The following KYNU variants were observed in gnomAD, a reference collection of about 807,000 sequenced individuals.
The protein encoded by KYNU is L-kynurenine hydrolase.
Under a neutral mutation model 59.2 loss-of-function variants are expected in KYNU, and 54 were observed. The ratio of observed to expected loss-of-function variants is 0.91; its 90% CI spans 0.73 to 1.14. The LOEUF (loss-of-function observed/expected upper bound fraction) is 1.14. KYNU is among the 50% of genes most tolerant of loss of function. KYNU has a pLI of 0.00. For synonymous variants in KYNU, 177 were observed against 192.0 expected (o/e 0.92, Z 0.65); for missense variants, 567 against 554.4 (o/e 1.02, Z -0.23).
chr2:142,917,496 C>G (rs570853372), intron 2 of KYNU, among the ~76,000 whole-genome samples: 36 of 152,142 alleles, frequency 2.4e-4, no homozygotes, highest in African/African-American at 8.2e-4. Flanking sequence ...GAGATGGAGT[C>G]TCACTATGTT....
rs1354930090 is a variant in KYNU at position 143,045,236 on chromosome 2, C to G, written c.*3064C>G. On this transcript the variant is annotated 3_prime_UTR_variant, in exon 14 of 14. Coordinates refer to ENST00000264170, the MANE Select transcript of KYNU (RefSeq NM_003937.3). ...ACCATGCTGTTTTGTTTACTATAGC[C>G]TTGTAGTATAGTTTGAAGTCAGGTA... The G allele has an allele frequency of 5.3e-5, 8 of 151,990 alleles. No homozygotes were observed. The highest frequency in any genetic ancestry group is 1.9e-4 in the African/African-American group (8 of 41,380). The allele number at this position is 151,990 out of a possible 1,614,324, so 9.4% of individuals were successfully genotyped here.
chr2:143,030,650 A>T (rs1358704499), intron 11 of KYNU, among the ~76,000 whole-genome samples: 1 of 99,524 alleles, frequency 1.0e-5, no homozygotes, highest in Non-Finnish European at 2.4e-5. Context: ...GATGATGATG[A>T]TGCTGATTAT....
chr2:142,952,146 C>A (rs1478712164), intron 4 of KYNU, among the ~76,000 whole-genome samples: 1 of 152,018 alleles, frequency 6.6e-6, no homozygotes, highest in East Asian at 1.9e-4. Context: ...GCACTGCTAC[C>A]TCTCCTGACC....
At chr2:142,926,699 G>A (rs960793151) in intron 3 of KYNU, among the ~76,000 whole-genome samples, 4 of 152,166 alleles carry the variant, frequency 2.6e-5, no homozygotes, top group Non-Finnish European at 5.9e-5. Flanking sequence ...TGGTAATGAG[G>A]AAATTTCACA....
At chr2:142,956,365 T>G in intron 6 of KYNU, 91 bp downstream of exon 6, 1 of 759,072 alleles carries the variant, frequency 1.3e-6, no homozygotes, top group South Asian at 1.6e-5. Flanking sequence ...CTCACTAGGC[T>G]TTTCCAAGCA....
At chr2:143,037,675 ACT>A (rs1686927252) in intron 12 of KYNU, among the ~76,000 whole-genome samples, 1 of 151,910 alleles carries the variant, frequency 6.6e-6, no homozygotes, top group African/African-American at 2.4e-5. Context: ...AGTAGTTGAA[ACT>A]CTGCAAAGTA....
In KYNU at chr2:142,941,333, A is replaced by G. The variant is rs1344899087; in HGVS notation, c.374-13477A>G. The stretch of plus-strand genomic sequence containing the variant: ...GTACCCTGAACTGAGAACAAAAACC[A>G]AATATTTCTTGTTATAACACACCTA... On this transcript the variant is annotated intron_variant, in intron 4 of 13. Coordinates refer to ENST00000264170, the MANE Select transcript of KYNU (RefSeq NM_003937.3). Among the ~76,000 whole-genome samples the G allele has an allele frequency of 3.9e-5, 6 of 152,364 alleles. No individual in the cohort carries two copies. In the East Asian group the frequency reaches 1.2e-3, roughly 29 times the overall value.
At chr2:142,942,187 AGAAAAAT>A (rs1683625480) in intron 4 of KYNU, among the ~76,000 whole-genome samples, 1 of 151,644 alleles carries the variant, frequency 6.6e-6, no homozygotes, top group African/African-American at 2.4e-5. Context: ...AAAAAAAAAA[AGAAAAAT>A]GTGTAACTTC....
intron 2 of KYNU, among the ~76,000 whole-genome samples, chr2:142,898,767 G>T (rs1320694747): frequency 5.3e-5 from 8 of 152,294 alleles, no homozygotes; most frequent in African/African-American, 1.9e-4. Context: ...TCTGACCTTG[G>T]GTTCTTGGCC....
At chr2:142,998,745 C>T (rs71423230) in intron 10 of KYNU, among the ~76,000 whole-genome samples, 32,391 of 151,932 alleles carry the variant, frequency 0.21, 3,949 homozygotes, top group African/African-American at 0.32. Context: ...CGCAGAGGCT[C>T]ATACCTGTAA....
intron 8 of KYNU, among the ~76,000 whole-genome samples, chr2:142,971,834 TATA>T (rs1684732640): frequency 6.6e-6 from 1 of 152,190 alleles, no homozygotes; most frequent in Admixed American, 6.5e-5. Context: ...CAGAATAACT[TATA>T]ATGGTTAATT....
rs140012258 is a variant in KYNU at position 142,979,566 on chromosome 2, C to T, written c.730-5518C>T. 3.9e-5 allele frequency among the ~76,000 whole-genome samples: 6 copies of T among 152,036 alleles called. 1 individual carries two copies. The East Asian group carries it at 1.2e-3, about 30-fold the overall frequency. On this transcript the variant is annotated intron_variant, in intron 8 of 13. Coordinates refer to ENST00000264170, the MANE Select transcript of KYNU (RefSeq NM_003937.3). ...AAATGGAGGAGAGAAAGCACATCCC[C>T]AGGAAAGGGAAAAGTTTATGTAAAT...
chr2:143,021,472 G>A (rs1475705109), intron 10 of KYNU, among the ~76,000 whole-genome samples: 1 of 152,144 alleles, frequency 6.6e-6, no homozygotes, highest in Non-Finnish European at 1.5e-5. Context: ...AAAGAAAAGA[G>A]GTTCAATTGG....
Position 143,040,563 on chromosome 2 carries a change from C to T in KYNU, c.1177C>T (p.Pro393Ser), listed in dbSNP as rs371441647. The change falls in exon 13 of 14, where the codon CCG becomes TCG. Residue 393 changes from proline (P) to serine (S), a missense_variant. Pro to Ser is a moderately conservative substitution (Grantham distance 74). Transcript: ENST00000264170. ...TKKPVVNIIT[P>S]SHVEERGCQL... ...GAAACCAGTTGTGAACATAATTACT[C>T]CGTCTCATGTAGAGGAGCGGGGGTG... is the stretch of plus-strand genomic sequence containing the variant. The T allele has an allele frequency of 1.7e-5, 27 of 1,612,904 alleles. No homozygotes were observed. Among genetic ancestry groups the T allele is most frequent in the African/African-American group, 2.7e-5 (2 of 74,980 alleles).
chr2:143,001,537 C>G (rs757586918), intron 10 of KYNU, among the ~76,000 whole-genome samples: 10 of 152,200 alleles, frequency 6.6e-5, no homozygotes, highest in Non-Finnish European at 1.3e-4. Context: ...CTCAGCCCTA[C>G]TTTTCACCTC....
intron 4 of KYNU, among the ~76,000 whole-genome samples, chr2:142,931,549 A>T (rs1683219059): frequency 6.6e-6 from 1 of 152,062 alleles, no homozygotes; most frequent in Admixed American, 6.5e-5. Context: ...GAGGGGAGGT[A>T]ATTTCTGAGT....
At chr2:142,881,069 G>A (rs910725856) in intron 1 of KYNU, among the ~76,000 whole-genome samples, 4 of 152,208 alleles carry the variant, frequency 2.6e-5, no homozygotes, top group African/African-American at 9.6e-5. Flanking sequence ...CTTGAAAAAA[G>A]CATTGGAGCA....
chr2:142,943,927 G>A (rs373601264), intron 4 of KYNU, among the ~76,000 whole-genome samples: 1 of 152,274 alleles, frequency 6.6e-6, no homozygotes, highest in African/African-American at 2.4e-5. Context: ...AACATTGTAT[G>A]GCAGTTATGA....
chr2:142,899,103 C>A (rs1178040198), intron 2 of KYNU, among the ~76,000 whole-genome samples: 1 of 152,046 alleles, frequency 6.6e-6, no homozygotes, highest in Non-Finnish European at 1.5e-5. Context: ...CGGCAAACAG[C>A]GGTGGTGGAC....
Sources: allele counts gnomAD v4.1 joint callset (sites outside exome capture counted in the v4.1 genomes callset), GRCh38; gene constraint gnomAD v4.1.1; transcripts MANE v1.5; gene names NCBI Gene and HGNC (gene_info 2026-07-23, HGNC 2026-07-21).